The following HDAC7 variants were observed in gnomAD, a reference collection of about 807,000 sequenced individuals.
HDAC7 encodes histone deacetylase 7A.
In HDAC7, 26 loss-of-function variants were observed where a neutral mutation model predicts 115.5. That is an observed-to-expected ratio of 0.23 (90% CI 0.16 to 0.31). The LOEUF is 0.31. HDAC7 is among the 10% of genes least tolerant of loss of function. The probability of loss-of-function intolerance (pLI) is 1.00; values close to 1 mark genes in which losing one functional copy is unlikely to be tolerated. For missense variants in HDAC7, 1,068 were observed against 1,329.0 expected (o/e 0.80, Z 3.05); for synonymous variants, 564 against 550.9 (o/e 1.02, Z -0.33).
At chr12:47,821,191 T>C (rs1446195537), upstream of HDAC7, among the ~76,000 whole-genome samples, 1 of 152,004 alleles carries the variant, frequency 6.6e-6, no homozygotes, top group African/African-American at 2.4e-5. Context: ...GCCCCAGAGG[T>C]GGAGTCATGT....
rs774587206 is a variant in HDAC7, at chr12:47,783,869, A to C, written c.2948T>G (p.Val983Gly). The C allele has an allele frequency of 6.2e-7, 1 of 1,612,112 alleles. No individual in the cohort carries two copies. Among genetic ancestry groups the C allele is most frequent in the Admixed American group, 1.7e-5 (1 of 59,730 alleles). The change falls in exon 26 of 26, where the codon GTG (valine) becomes GGG (glycine). Residue 983 changes from valine (V) to glycine (G), a missense_variant. By Grantham distance (109) the Val-to-Gly change is moderately radical. This residue lies in a region of HDAC7 where 98 missense variants were observed against 123.9 expected (regional missense o/e 0.79). Transcript: ENST00000080059. ...LAEDRPSEQL[V>G]EEEEPMNL ...GAGATTCATAGGTTCTTCCTCCTCC[A>C]CCAGCTGCTCCGAGGGCCTGTGGGG...
At chr12:47,807,279 C>T (rs1414721726) in intron 1 of HDAC7, among the ~76,000 whole-genome samples, 1 of 152,180 alleles carries the variant, frequency 6.6e-6, no homozygotes, top group Non-Finnish European at 1.5e-5. Flanking sequence ...CCCAACTATG[C>T]TCTCTTCCCT....
In HDAC7 at chr12:47,816,399, G is replaced by C. The variant is rs1291071795; in HGVS notation, c.19+3368C>G. The stretch of plus-strand genomic sequence containing the variant: ...CCCACACAGGGCCATAACCTGAAAA[G>C]GTGTGCACCATACAGATGATGCACA... On this transcript the variant is annotated intron_variant, in intron 1 of 25. Coordinates refer to ENST00000080059, the MANE Select transcript of HDAC7 (RefSeq NM_015401.5). Among the ~76,000 whole-genome samples the C allele has an allele frequency of 2.0e-5, 3 of 152,046 alleles. No individual in the cohort carries two copies. In the East Asian group the frequency reaches 5.8e-4, roughly 29 times the overall value.
At chr12:47,796,064 C>T (rs759743104) in intron 8 of HDAC7, 48 bp from the exon 9 acceptor site, 37 of 1,536,632 alleles carry the variant, frequency 2.4e-5, no homozygotes, top group East Asian at 1.2e-4. Context: ...ACCTCTACCC[C>T]GGCGCACCTT....
chr12:47,787,037 G>A (rs985267883), intron 21 of HDAC7, among the ~76,000 whole-genome samples: 16 of 152,300 alleles, frequency 1.1e-4, no homozygotes, highest in Admixed American at 6.5e-4. Context: ...TGCAGTGGCC[G>A]GAGCCACAGG....
At chr12:47,806,035 A>T (rs1944387586) in intron 1 of HDAC7, among the ~76,000 whole-genome samples, 1 of 152,250 alleles carries the variant, frequency 6.6e-6, no homozygotes, top group African/African-American at 2.4e-5. Flanking sequence ...TAAGTTTCTC[A>T]TTCATCCCAG....
Position 47,794,802 on chromosome 12 carries a change from C to A in HDAC7, c.1416G>T (p.Gln472His). ...GLEHRELGHGQPEARGPAPLQ... is the reference protein window; with the variant it reads ...GLEHRELGHGHPEARGPAPLQ... ...GAGGAGCGGGGCCTCTGGCCTCAGG[C>A]TGCCCATGGCCCAGCTCCCTGTGCT... Residue 472 changes from glutamine (Q) to histidine (H), a missense_variant, in exon 12 of 26, where the codon CAG becomes CAT. Transcript: ENST00000080059. The A allele has an allele frequency of 6.2e-7, 1 of 1,611,690 alleles. No homozygotes were observed. The highest frequency in any genetic ancestry group is 8.5e-7 in the Non-Finnish European group (1 of 1,179,306).
intron 1 of HDAC7, among the ~76,000 whole-genome samples, chr12:47,807,406 T>C (rs1246167066): frequency 6.6e-6 from 1 of 152,206 alleles, no homozygotes; most frequent in Non-Finnish European, 1.5e-5. Flanking sequence ...AGGTATTTAC[T>C]GTTTTATCCC....
Position 47,798,522 on chromosome 12 carries a change from C to A in HDAC7, c.349+40G>T, listed in dbSNP as rs549869659. On this transcript the variant is annotated intron_variant, in intron 4 of 25. Transcript: ENST00000080059. This position sits in a 1 kb window ranked among gnomAD's most constrained non-coding sequence, Gnocchi z 4.3. ...CACACAGGCAGCCGCAGGCACCTGG[C>A]TGGTGGGGCTGGGCTGGGCTGGGGT... The A allele has an allele frequency of 2.5e-6, 4 of 1,584,412 alleles. No individual in the cohort carries two copies. In the African/African-American group the frequency reaches 4.0e-5, roughly 16 times the overall value.
rs55726902 is a variant in HDAC7 at position 47,803,199 on chromosome 12, G to A, written c.20-925C>T. 0.16 allele frequency among the ~76,000 whole-genome samples: 24,171 copies of A among 152,182 alleles called. 2,543 individuals are homozygous for A. Among genetic ancestry groups the A allele is most frequent in the Non-Finnish European group, 0.23 (15,699 of 67,972 alleles). ...AGGACAGACACCTTTCCCTCTTGCTGTCCAGTTCAGGGTCAAGGGGACAGG... is the reference window on the plus strand; with the variant it reads ...AGGACAGACACCTTTCCCTCTTGCTATCCAGTTCAGGGTCAAGGGGACAGG... On this transcript the variant is annotated intron_variant, in intron 1 of 25. Transcript: ENST00000080059. The surrounding 1 kb of genome is among the most constrained non-coding windows in gnomAD (Gnocchi z 4.0).
At chr12:47,790,689 T>C (rs1271595478) in intron 16 of HDAC7, 1 of 163,126 alleles carries the variant, frequency 6.1e-6, no homozygotes, top group Non-Finnish European at 1.4e-5. Context: ...ACTGCAGGGA[T>C]AGTGTTAGGC....
At chr12:47,813,706 TG>T (rs1474455685) in intron 1 of HDAC7, among the ~76,000 whole-genome samples, 1 of 152,054 alleles carries the variant, frequency 6.6e-6, no homozygotes, top group Admixed American at 6.5e-5. Context: ...CATCCTGCTG[TG>T]GGGGCTGTGG....
chr12:47,791,820 C>A, intron 14 of HDAC7, 51 bp downstream of exon 14: 1 of 1,581,814 alleles, frequency 6.3e-7, no homozygotes, highest in South Asian at 1.1e-5. Context: ...CCCTCCCCTC[C>A]CATGACTCCT....
chr12:47,786,379 C>A (rs1414899158), intron 22 of HDAC7, among the ~76,000 whole-genome samples: 2 of 152,206 alleles, frequency 1.3e-5, no homozygotes, highest in African/African-American at 4.8e-5. Context: ...CGTGGTGAAC[C>A]GGCCTGGTCC....
rs1181664321 is a variant in HDAC7, at chr12:47,798,256, T to C, written c.350-37A>G. On this transcript the variant is annotated intron_variant, in intron 4 of 25. Coordinates refer to ENST00000080059, the MANE Select transcript of HDAC7 (RefSeq NM_015401.5). The surrounding 1 kb of genome is among the most constrained non-coding windows in gnomAD (Gnocchi z 4.3). ...GAGTCAGGAGGGGGCTGGAGGTGGG[T>C]GGACAGGCGGCCTCGTGGCACTACC... 2 of 1,525,392 alleles carry C rather than the reference T, an allele frequency of 1.3e-6. No homozygotes were observed. The highest frequency in any genetic ancestry group is 9.1e-7 in the Non-Finnish European group (1 of 1,100,882). 94.5% of individuals were successfully genotyped at this position (1,525,392 alleles called of 1,614,324 possible).
chr12:47,791,153 G>T, intron 16 of HDAC7, 106 bp downstream of exon 16: 1 of 1,142,062 alleles, frequency 8.8e-7, no homozygotes, highest in South Asian at 1.3e-5. Flanking sequence ...CTGTCTGGCA[G>T]AACCACAACA....
rs140631270 is a variant in HDAC7, at chr12:47,789,843, G to A, written c.2061C>T (p.Leu687=). ...GCTCACGAGAAGCCACTTTGAAGGC[G>A]AGGTCAGTGACACTGCCAGCGGCCC... The part of the protein sequence containing the change: ...ARWAAGSVTD[L]AFKVASRELK... Residue 687 remains leucine, a synonymous_variant, in exon 17 of 26, where the codon CTC becomes CTT. Coordinates refer to ENST00000080059, the MANE Select transcript of HDAC7 (RefSeq NM_015401.5). 1.4e-5 allele frequency: 23 copies of A among 1,613,666 alleles called. No homozygotes were observed. The highest frequency in any genetic ancestry group is 1.6e-4 in the Middle Eastern group (1 of 6,084).
At chr12:47,801,313 C>G (rs928151684) in intron 2 of HDAC7, among the ~76,000 whole-genome samples, 1 of 152,170 alleles carries the variant, frequency 6.6e-6, no homozygotes, top group African/African-American at 2.4e-5. Context: ...ATGACAGGCA[C>G]TCCACAAACA....
Position 47,803,697 on chromosome 12 carries a change from C to T in HDAC7, c.20-1423G>A, listed in dbSNP as rs1419992513. Among the ~76,000 whole-genome samples the T allele has an allele frequency of 6.6e-6, 1 of 152,182 alleles. No homozygotes were observed. Among genetic ancestry groups the T allele is most frequent in the Admixed American group, 6.5e-5 (1 of 15,282 alleles). Reference sequence around the variant, plus strand: ...AGCCATGCCCATCTGCACCAAACACCTCGCAGGGCACGTGGCAGGCTCTGT... The same window carrying T: ...AGCCATGCCCATCTGCACCAAACACTTCGCAGGGCACGTGGCAGGCTCTGT... On this transcript the variant is annotated intron_variant, in intron 1 of 25. Transcript: ENST00000080059. The surrounding 1 kb of genome is among the most constrained non-coding windows in gnomAD (Gnocchi z 4.0).
Sources: gnomAD v4.1 joint callset for allele counts (sites outside exome capture counted in the v4.1 genomes callset) on GRCh38, gnomAD v4.1.1 for gene constraint, gnomAD v4.1.1 regional missense constraint, Gnocchi (gnomAD v3.1) non-coding constraint, MANE v1.5 for transcripts, NCBI Gene and HGNC (gene_info 2026-07-23, HGNC 2026-07-21) for gene names.